The following FAAP20 variants were observed in gnomAD, a reference collection of about 807,000 sequenced individuals.
FAAP20 encodes FA core complex associated protein 20.
In FAAP20, 12 loss-of-function variants were observed where a neutral mutation model predicts 16.2. The observed-to-expected ratio is 0.74, with a 90% confidence interval of 0.48 to 1.20. The LOEUF (loss-of-function observed/expected upper bound fraction) is 1.20. Among genes scored for constraint, FAAP20 ranks in the 50% most tolerant of loss-of-function variants. The probability of loss-of-function intolerance (pLI) is 0.00; values close to 1 mark genes in which losing one functional copy is unlikely to be tolerated. For synonymous variants in FAAP20, 141 were observed against 110.7 expected (o/e 1.27, Z -1.72); for missense variants, 288 against 245.8 (o/e 1.17, Z -1.15).
At chr1:2,201,543 A>T (rs1689047653), upstream of FAAP20, among the ~76,000 whole-genome samples, 1 of 152,142 alleles carries the variant, frequency 6.6e-6, no homozygotes, top group Non-Finnish European at 1.5e-5. Context: ...CCAATATGGT[A>T]AAACCCCATC....
chr1:2,208,516 G>T (rs1205819375), downstream of FAAP20, among the ~76,000 whole-genome samples: 2 of 152,224 alleles, frequency 1.3e-5, no homozygotes, highest in Non-Finnish European at 2.9e-5. Flanking sequence ...CCCGCGTGCG[G>T]AAGGTGCTGG....
downstream of FAAP20, among the ~76,000 whole-genome samples, chr1:2,189,015 A>AG (rs1190257925): frequency 3.4e-5 from 5 of 145,008 alleles, no homozygotes; most frequent in African/African-American, 1.3e-4. Flanking sequence ...AAAAAAGAAA[A>AG]AAAAAAAAAA....
At chr1:2,185,178 T>C (rs1475653611), downstream of FAAP20, 2 of 730,074 alleles carry the variant, frequency 2.7e-6, no homozygotes, top group Admixed American at 4.1e-5. Flanking sequence ...AGCAGAACAG[T>C]CCCTCACACC....
intron 2 of FAAP20, 22 bp from the exon 3 acceptor site, chr1:2,193,932 C>A (rs758685834): frequency 3.5e-5 from 57 of 1,612,212 alleles, no homozygotes; most frequent in Non-Finnish European, 4.7e-5. Flanking sequence ...AGTTGTTGGG[C>A]CTTGCCCAGC....
chr1:2,185,097 G>A, downstream of FAAP20: 2 of 1,302,180 alleles, frequency 1.5e-6, no homozygotes, highest in Admixed American at 2.0e-5. Context: ...GCTGGGCACG[G>A]CTCCGAGGGC....
rs1472443414 is a variant in FAAP20 at position 2,194,727 on chromosome 1, C to T, written c.23G>A (p.Arg8Gln). ...CGGCCTCCGGCGGCTCAACCCCAGC[C>T]GCGGCCTCCGCGCCGCCTCCATCCA... is the stretch of plus-strand genomic sequence containing the variant. MEAARRP[R>Q]LGLSRRRPRP... The change falls in exon 1 of 4, where the codon CGG (arginine) becomes CAG (glutamine). Residue 8 changes from arginine (R) to glutamine (Q), a missense_variant. Transcript: ENST00000378546. 2.5e-6 allele frequency: 3 copies of T among 1,192,586 alleles called. No individual in the cohort carries two copies. Among genetic ancestry groups the T allele is most frequent in the South Asian group, 7.8e-5 (2 of 25,624 alleles). 73.9% of individuals were successfully genotyped at this position (1,192,586 alleles called of 1,614,324 possible).
chr1:2,195,203 G>A (rs992820032), upstream of FAAP20, among the ~76,000 whole-genome samples: 8 of 152,250 alleles, frequency 5.3e-5, no homozygotes, highest in African/African-American at 1.9e-4. Context: ...TACAAAAGGC[G>A]GGGAACTCAA....
In FAAP20 at chr1:2,194,213, CAG is replaced by C. The variant is rs1354204745; in HGVS notation, c.63-82_63-81del. On this transcript the variant is annotated intron_variant, in intron 1 of 3. Coordinates refer to ENST00000378546, the MANE Select transcript of FAAP20 (RefSeq NM_182533.4). ...TGGGGAGACCCGGGAGGGCCTGGGG[CAG>C]AGAGAGCGGGGAGATGGGGGGTACT... 5.1e-6 allele frequency: 8 copies of C among 1,553,866 alleles called. No individual in the cohort carries two copies. In the East Asian group the frequency reaches 1.6e-4, roughly 31 times the overall value.
At chr1:2,194,781 G>GCCCCGC (rs1249908589), upstream of FAAP20, 2 of 1,149,770 alleles carry the variant, frequency 1.7e-6, no homozygotes, top group East Asian at 4.1e-5. Context: ...GTGAGCGCAA[G>GCCCCGC]CCCCGCCCCC....
upstream of FAAP20, among the ~76,000 whole-genome samples, chr1:2,204,375 T>A: frequency 6.6e-6 from 1 of 152,236 alleles, no homozygotes; most frequent in East Asian, 1.9e-4. Flanking sequence ...ATTTGCCCCC[T>A]TCTGGGACGT....
At chr1:2,208,104 G>A (rs993998006), downstream of FAAP20, among the ~76,000 whole-genome samples, 2 of 152,164 alleles carry the variant, frequency 1.3e-5, no homozygotes, top group African/African-American at 4.8e-5. Context: ...GGAAACTGAG[G>A]CGTGGGAGGC....
At chr1:2,204,479 C>T (rs990523433), upstream of FAAP20, among the ~76,000 whole-genome samples, 49 of 152,238 alleles carry the variant, frequency 3.2e-4, no homozygotes, top group Non-Finnish European at 7.3e-5. Flanking sequence ...AGGAAAAAGC[C>T]GCCAGGCCAC....
chr1:2,193,495 G>A, intron 3 of FAAP20, 144 bp downstream of exon 3: 3 of 1,307,418 alleles, frequency 2.3e-6, no homozygotes, highest in East Asian at 2.5e-5. Flanking sequence ...GGACATGCCA[G>A]GCCACAGCAC....
chr1:2,200,605 A>G, upstream of FAAP20: 2 of 980,364 alleles, frequency 2.0e-6, no homozygotes, highest in Admixed American at 6.1e-5. Context: ...GAGAATATAC[A>G]TGTCACTCGT....
chr1:2,192,625 TG>T, intron 3 of FAAP20: 1 of 1,164,640 alleles, frequency 8.6e-7, no homozygotes, highest in Non-Finnish European at 1.1e-6. Context: ...CAGTACCCTC[TG>T]TCCGTGATTC....
chr1:2,206,602 G>T (rs1689266920), exon 2 of FAAP20: 1 of 152,276 alleles, frequency 6.6e-6, no homozygotes, highest in African/African-American at 2.4e-5. Flanking sequence ...GGGAGGCCGA[G>T]GCGGGCGGAT....
At chr1:2,201,608 G>A (rs262658), upstream of FAAP20, among the ~76,000 whole-genome samples, 8,976 of 152,226 alleles carry the variant, frequency 0.059, 834 homozygotes, top group African/African-American at 0.2. Flanking sequence ...CATAGTCCCA[G>A]TTATGTGGGA....
downstream of FAAP20, chr1:2,185,047 C>T (rs778589943): frequency 6.4e-7 from 1 of 1,550,988 alleles, no homozygotes; most frequent in Non-Finnish European, 8.8e-7. Context: ...GCGTGATTGA[C>T]CCTTTAACTG....
chr1:2,202,392 G>A (rs547604042), upstream of FAAP20, among the ~76,000 whole-genome samples: 4 of 152,004 alleles, frequency 2.6e-5, no homozygotes, highest in East Asian at 7.8e-4. Flanking sequence ...AGGCTGGAGT[G>A]CAGTGGCGAA....
Sources: gnomAD v4.1 joint callset for allele counts (sites outside exome capture counted in the v4.1 genomes callset) on GRCh38, gnomAD v4.1.1 for gene constraint, MANE v1.5 for transcripts, NCBI Gene and HGNC (gene_info 2026-07-23, HGNC 2026-07-21) for gene names.